Variants in ZDHHC17 observed in about 807,000 individuals in gnomAD.
ZDHHC17 encodes zDHHC palmitoyltransferase 17, also known as palmitoyltransferase ZDHHC17.
ZDHHC17 carries 40 observed loss-of-function variants against 90.3 expected under a neutral mutation model. That is an observed-to-expected ratio of 0.44 (90% confidence interval 0.34 to 0.58). ZDHHC17 has a LOEUF of 0.58. ZDHHC17 is among the 20% of genes least tolerant of loss of function. The probability of loss-of-function intolerance (pLI) is 0.01; values close to 1 mark genes in which losing one functional copy is unlikely to be tolerated. For synonymous variants in ZDHHC17, 235 were observed against 252.4 expected (o/e 0.93, Z 0.65); for missense variants, 614 against 780.8 (o/e 0.79, Z 2.55).
chr12:76,773,819 A>G (rs1214892815), intron 1 of ZDHHC17, among the ~76,000 whole-genome samples: 1 of 152,210 alleles, frequency 6.6e-6, no homozygotes, highest in Non-Finnish European at 1.5e-5. Flanking sequence ...ATTCATTTTT[A>G]GCAGTTGCTC....
At chr12:76,789,258 T>A (rs1952731426) in intron 1 of ZDHHC17, among the ~76,000 whole-genome samples, 1 of 152,246 alleles carries the variant, frequency 6.6e-6, no homozygotes, top group Non-Finnish European at 1.5e-5. Flanking sequence ...ATCCATTTAT[T>A]CTTTCATTTC....
In ZDHHC17 at chr12:76,822,524, CTGA is replaced by C. The variant is rs1953176630; in HGVS notation, c.892_894del (p.Asp298del). 1.3e-6 allele frequency: 2 copies of C among 1,584,266 alleles called. No homozygotes were observed. Among genetic ancestry groups the C allele is most frequent in the East Asian group, 4.5e-5 (2 of 44,354 alleles). ...CCGTCCTTCCTTAGAAAGCTGAAAG[CTGA>C]TAAGGTAAACTCATAACTGAAGATT... On this transcript the variant is annotated inframe_deletion, in exon 8 of 17. Transcript: ENST00000426126.
chr12:76,803,585 C>G (rs1219874781), intron 2 of ZDHHC17, among the ~76,000 whole-genome samples: 1 of 152,182 alleles, frequency 6.6e-6, no homozygotes, highest in African/African-American at 2.4e-5. Flanking sequence ...TTGTTACCAT[C>G]CAGTTGGACC....
intron 1 of ZDHHC17, among the ~76,000 whole-genome samples, chr12:76,781,390 A>G (rs182814260): frequency 1.4e-4 from 21 of 152,334 alleles, no homozygotes. Context: ...TTTGTTTTGA[A>G]TGTCTCCTCT....
chr12:76,831,985 A>T (rs1029889539), intron 10 of ZDHHC17, among the ~76,000 whole-genome samples: 3 of 152,198 alleles, frequency 2.0e-5, no homozygotes, highest in African/African-American at 7.2e-5. Context: ...AATGATACTC[A>T]TGGAATATGT....
At chr12:76,799,858 T>A (rs2137749073) in intron 2 of ZDHHC17, among the ~76,000 whole-genome samples, 1 of 152,324 alleles carries the variant, frequency 6.6e-6, no homozygotes, top group East Asian at 1.9e-4. Context: ...TTTTGGATTT[T>A]GGATTTTTTT....
chr12:76,848,018 T>G (rs1953515242), intron 14 of ZDHHC17, among the ~76,000 whole-genome samples: 2 of 151,730 alleles, frequency 1.3e-5, no homozygotes, highest in South Asian at 4.2e-4. Flanking sequence ...GATACAGTGA[T>G]TTTTTTTTAA....
chr12:76,764,959 C>T (rs547064930), intron 1 of ZDHHC17: 1 of 425,608 alleles, frequency 2.3e-6, no homozygotes, highest in East Asian at 7.0e-5. Context: ...TTTCTAGGAG[C>T]TAGGGGTGGA....
intron 10 of ZDHHC17, among the ~76,000 whole-genome samples, chr12:76,838,483 G>A (rs1953395722): frequency 6.6e-6 from 1 of 152,132 alleles, no homozygotes; most frequent in South Asian, 2.1e-4. Flanking sequence ...TTGTATGTCT[G>A]CCTTCAGTGT....
chr12:76,849,725 A>G, intron 16 of ZDHHC17: 1 of 265,276 alleles, frequency 3.8e-6, no homozygotes, highest in South Asian at 7.8e-5. Flanking sequence ...TAGAAATAGT[A>G]GGGTCCTAAG....
intron 1 of ZDHHC17, among the ~76,000 whole-genome samples, chr12:76,784,429 GC>G: frequency 6.6e-6 from 1 of 152,266 alleles, no homozygotes; most frequent in Non-Finnish European, 1.5e-5. Flanking sequence ...TGGAGACAAT[GC>G]CCCAAAGAAA....
intron 6 of ZDHHC17, 85 bp from the exon 7 acceptor site, chr12:76,815,772 A>G: frequency 7.4e-7 from 1 of 1,349,214 alleles, no homozygotes; most frequent in Non-Finnish European, 9.7e-7. Flanking sequence ...TACTGTAAGC[A>G]TAATCAGTTT....
Position 76,815,894 on chromosome 12 carries a change from T to C in ZDHHC17, c.646T>C (p.Ser216Pro). The C allele has an allele frequency of 6.4e-7, 1 of 1,564,926 alleles. No homozygotes were observed. The highest frequency in any genetic ancestry group is 8.7e-7 in the Non-Finnish European group (1 of 1,154,118). The change falls in exon 7 of 17, where the codon TCA (serine) becomes CCA (proline). Residue 216 changes from serine (S) to proline (P), a missense_variant. By Grantham distance (74) the Ser-to-Pro change is moderately conservative (BLOSUM62 -1). Coordinates refer to ENST00000426126, the MANE Select transcript of ZDHHC17 (RefSeq NM_015336.4). ...PTRLLLTFNV[S>P]VNLGDKYHKN... The stretch of plus-strand genomic sequence containing the variant: ...TAGATTGCTTTTAACATTCAATGTT[T>C]CAGTTAACCTTGGTGACAAGTATCA...
At position 76,809,067 on chromosome 12, in the gene ZDHHC17, T is replaced by A; in HGVS notation, c.345T>A (p.Ile115=). 6.4e-7 allele frequency: 1 copy of A among 1,567,756 alleles called. No homozygotes were observed. Among genetic ancestry groups the A allele is most frequent in the Admixed American group, 1.8e-5 (1 of 54,560 alleles). ...GATACTATATTTCGAAAGGTGCTAT[T>A]GTGGATCAACTTGGAGGGGACCTGA... is the stretch of plus-strand genomic sequence containing the variant. ...LVKYYISKGA[I]VDQLGGDLNS... is the part of the protein sequence containing the mutation. Residue 115 remains isoleucine, a synonymous_variant, in exon 4 of 17, where the codon ATT becomes ATA. Coordinates refer to ENST00000426126, the MANE Select transcript of ZDHHC17 (RefSeq NM_015336.4).
intron 7 of ZDHHC17, among the ~76,000 whole-genome samples, chr12:76,819,797 G>T (rs1241828990): frequency 1.3e-5 from 2 of 152,048 alleles, no homozygotes; most frequent in Non-Finnish European, 2.9e-5. Flanking sequence ...AGGAGTTCGA[G>T]ACCAGCCTCA....
chr12:76,845,514 T>C (rs962633196), intron 12 of ZDHHC17, 195 bp from the exon 13 acceptor site: 6 of 300,642 alleles, frequency 2.0e-5, no homozygotes, highest in African/African-American at 1.1e-4. Flanking sequence ...CCTCATTCTT[T>C]TATTCTTTGT....
intron 1 of ZDHHC17, among the ~76,000 whole-genome samples, chr12:76,775,462 C>G (rs916609624): frequency 1.3e-5 from 2 of 152,012 alleles, no homozygotes; most frequent in African/African-American, 2.4e-5. Flanking sequence ...TTTAGCAATA[C>G]AGTAACTGAT....
chr12:76,848,335 A>G lies in ZDHHC17; in HGVS notation c.1610A>G (p.Asn537Ser). 6.2e-7 allele frequency: 1 copy of G among 1,613,968 alleles called. No individual in the cohort carries two copies. The highest frequency in any genetic ancestry group is 8.5e-7 in the Non-Finnish European group (1 of 1,179,872). ...CCTTGGATGTTTTGGATGTTCCTGA[A>G]CAGTGTTTTCCACTTCATGTGGGTG... ...CSPWMFWMFL[N>S]SVFHFMWVAV... The change falls in exon 15 of 17, where the codon AAC (asparagine) becomes AGC (serine). Residue 537 changes from asparagine to serine, a missense_variant. Asn to Ser is a conservative substitution (Grantham distance 46). Around this residue, in one of 5 missense-constraint regions of ZDHHC17, gnomAD observed 111 missense variants for 179.8 expected, o/e 0.62. Coordinates refer to ENST00000426126, the MANE Select transcript of ZDHHC17 (RefSeq NM_015336.4).
chr12:76,775,827 C>G (rs943770342), intron 1 of ZDHHC17, among the ~76,000 whole-genome samples: 1 of 152,032 alleles, frequency 6.6e-6, no homozygotes, highest in African/African-American at 2.4e-5. Flanking sequence ...TTGTTTTTAA[C>G]CCTAGAATTT....
Sources: allele counts gnomAD v4.1 joint callset (sites outside exome capture counted in the v4.1 genomes callset), GRCh38; gene constraint gnomAD v4.1.1; regional missense constraint gnomAD v4.1.1; transcripts MANE v1.5; gene names NCBI Gene and HGNC (gene_info 2026-07-23, HGNC 2026-07-21).